Variants in TMEM71 observed in about 807,000 individuals in gnomAD.
TMEM71 encodes the protein transmembrane protein 71.
TMEM71 carries 44 observed loss-of-function variants against 38.0 expected under a neutral mutation model. That is an observed-to-expected ratio of 1.16 (90% CI 0.91 to 1.49). TMEM71 has a LOEUF of 1.49. Ranked by LOEUF, TMEM71 falls within the 40% of genes most tolerant of loss-of-function variation. TMEM71 has a pLI of 0.00. For synonymous variants in TMEM71, 133 were observed against 122.5 expected, an observed-to-expected ratio of 1.09 and a Z score of -0.56; for missense variants, 367 against 348.6, an observed-to-expected ratio of 1.05 and a Z score of -0.42.
intron 5 of TMEM71, among the ~76,000 whole-genome samples, chr8:132,744,291 T>C (rs1378398941): frequency 2.6e-5 from 4 of 152,332 alleles, no homozygotes; most frequent in South Asian, 2.1e-4. Flanking sequence ...CTATGACTGA[T>C]ATTCATTGTC....
At chr8:132,758,996 G>T in intron 1 of TMEM71, 81 bp from the exon 2 acceptor site, 3 of 812,692 alleles carry the variant, frequency 3.7e-6, no homozygotes, top group Non-Finnish European at 6.3e-6. Context: ...TCTACTAATT[G>T]CACTAGTCAG....
chr8:132,751,723 T>A lies in TMEM71; in HGVS notation c.314+62A>T. 2.7e-6 allele frequency: 4 copies of A among 1,463,962 alleles called. No homozygotes were observed. In the Admixed American group the frequency reaches 6.7e-5, roughly 25 times the overall value. The allele number at this position is 1,463,962 out of a possible 1,614,324, so 90.7% of individuals were successfully genotyped here. On this transcript the variant is annotated intron_variant, in intron 4 of 9. Transcript: ENST00000677595. ...AAAGATAGTTGAGTGAATAAATGAATGAATAAACAATTAATGGATGGATTG... is the reference window on the plus strand; with the variant it reads ...AAAGATAGTTGAGTGAATAAATGAAAGAATAAACAATTAATGGATGGATTG...
rs749992386 is a variant in TMEM71, at chr8:132,710,885, T to C, written c.*82A>G. Reference sequence around the variant, plus strand: ...CGCTTACTCCCTTCCAATAAAACACTTGATTCCAAGTAGACTGCAAGTTGG... The same window carrying C: ...CGCTTACTCCCTTCCAATAAAACACCTGATTCCAAGTAGACTGCAAGTTGG... On this transcript the variant is annotated 3_prime_UTR_variant, in exon 10 of 10. Transcript: ENST00000677595. 3.1e-5 allele frequency: 42 copies of C among 1,351,130 alleles called. No individual in the cohort carries two copies. The African/African-American group carries it at 5.0e-4, about 16-fold the overall frequency. The allele number at this position is 1,351,130 out of a possible 1,614,324, so 83.7% of individuals were successfully genotyped here.
chr8:132,764,807 T>A (rs1267518921), upstream of TMEM71, among the ~76,000 whole-genome samples: 1 of 152,250 alleles, frequency 6.6e-6, no homozygotes, highest in East Asian at 1.9e-4. Flanking sequence ...CTGTCCATGT[T>A]GGTTCCTCCT....
chr8:132,716,828 A>G (rs569353143), intron 7 of TMEM71, among the ~76,000 whole-genome samples: 472 of 152,264 alleles, frequency 3.1e-3, no homozygotes, highest in Non-Finnish European at 5.8e-3. Context: ...TTATTACTAC[A>G]TCTATCTCTA....
the TMEM71 span, chr8:132,775,443 G>A: frequency 5.2e-6 from 2 of 385,600 alleles, no homozygotes; most frequent in Non-Finnish European, 9.1e-6. Flanking sequence ...CGGACCCTGA[G>A]CGAGCTTGAG....
intron 4 of TMEM71, among the ~76,000 whole-genome samples, chr8:132,749,374 C>A (rs534155332): frequency 6.6e-6 from 1 of 152,324 alleles, no homozygotes; most frequent in Non-Finnish European, 1.5e-5. Flanking sequence ...GTGGTGGAAA[C>A]AATAAACTTC....
intron 6 of TMEM71, among the ~76,000 whole-genome samples, chr8:132,726,251 A>G (rs1259189621): frequency 6.6e-6 from 1 of 152,042 alleles, no homozygotes; most frequent in African/African-American, 2.4e-5. Flanking sequence ...CTATAAAAAA[A>G]CAAAAACCAA....
chr8:132,731,193 C>G (rs778359665), intron 5 of TMEM71, among the ~76,000 whole-genome samples: 6 of 152,104 alleles, frequency 3.9e-5, no homozygotes, highest in Non-Finnish European at 5.9e-5. Context: ...AACATACCAA[C>G]ATATAGTTTA....
In TMEM71 at chr8:132,710,168, T is replaced by C. The variant is rs578115935; in HGVS notation, c.*799A>G. The C allele has an allele frequency of 1.3e-5, 2 of 152,254 alleles. No homozygotes were observed. The highest frequency in any genetic ancestry group is 3.9e-4 in the East Asian group (2 of 5,168). The allele number at this position is 152,254 out of a possible 1,614,324, so 9.4% of individuals were successfully genotyped here. A position where few individuals can be genotyped will look rare whatever the true frequency, so the allele number is the denominator to read the frequency against. ...GTGTGGGGGGTGGAAAGGGAACATCTACAGCCCTTGAGTCAAGGCTCAAGG... is the reference window on the plus strand; with the variant it reads ...GTGTGGGGGGTGGAAAGGGAACATCCACAGCCCTTGAGTCAAGGCTCAAGG... On this transcript the variant is annotated 3_prime_UTR_variant, in exon 10 of 10. Transcript: ENST00000677595.
chr8:132,767,613 T>C, the TMEM71 span, among the ~76,000 whole-genome samples: 1 of 152,062 alleles, frequency 6.6e-6, no homozygotes, highest in Admixed American at 6.5e-5. Context: ...TAGCTGGGAC[T>C]ACAGGTGCGC....
chr8:132,724,793 C>T (rs1193838225), intron 6 of TMEM71, among the ~76,000 whole-genome samples: 6 of 152,240 alleles, frequency 3.9e-5, no homozygotes, highest in East Asian at 3.9e-4. Context: ...GTTCCTCTGC[C>T]GCAGCTCCAG....
chr8:132,732,501 G>A (rs1030133784), intron 5 of TMEM71, among the ~76,000 whole-genome samples: 3 of 152,144 alleles, frequency 2.0e-5, no homozygotes, highest in East Asian at 1.9e-4. Context: ...GCTAAGCAGA[G>A]GTCACATTGT....
At chr8:132,750,704 A>C (rs1828659640) in intron 4 of TMEM71, among the ~76,000 whole-genome samples, 1 of 152,220 alleles carries the variant, frequency 6.6e-6, no homozygotes, top group South Asian at 2.1e-4. Flanking sequence ...TTGAAGCAAA[A>C]GTAAATGAAT....
intron 5 of TMEM71, among the ~76,000 whole-genome samples, chr8:132,742,881 A>G (rs185130132): frequency 6.6e-6 from 1 of 152,350 alleles, no homozygotes; most frequent in African/African-American, 2.4e-5. Flanking sequence ...CCACATGGCT[A>G]GGAAAGCCTC....
chr8:132,739,600 C>A (rs139343894), intron 5 of TMEM71, among the ~76,000 whole-genome samples: 1 of 151,978 alleles, frequency 6.6e-6, no homozygotes, highest in African/African-American at 2.4e-5. Flanking sequence ...AGTGAGCCAC[C>A]GTGTCAGGCC....
chr8:132,747,971 G>A (rs753531192), intron 4 of TMEM71, among the ~76,000 whole-genome samples: 56 of 152,234 alleles, frequency 3.7e-4, no homozygotes, highest in Non-Finnish European at 4.6e-4. Flanking sequence ...GGGTGGCTCA[G>A]AGGTACAAGA....
intron 5 of TMEM71, among the ~76,000 whole-genome samples, chr8:132,730,373 C>G (rs904284924): frequency 2.6e-5 from 4 of 152,220 alleles, no homozygotes; most frequent in Admixed American, 2.6e-4. Context: ...GAAACACACT[C>G]TCAGCCCAAG....
At chr8:132,740,890 C>A (rs1414706870) in intron 5 of TMEM71, among the ~76,000 whole-genome samples, 1 of 152,112 alleles carries the variant, frequency 6.6e-6, no homozygotes, top group Non-Finnish European at 1.5e-5. Context: ...AATTATGCAG[C>A]CAGTTTGGGT....
Sources: allele counts gnomAD v4.1 joint callset (sites outside exome capture counted in the v4.1 genomes callset), GRCh38; gene constraint gnomAD v4.1.1; transcripts MANE v1.5; gene names NCBI Gene and HGNC (gene_info 2026-07-23, HGNC 2026-07-21).